Variants in PCDHGA2 observed in about 807,000 individuals in gnomAD.
PCDHGA2 encodes the protein protocadherin gamma subfamily A, 2, also known as protocadherin gamma-A2.
PCDHGA2 carries 40 observed loss-of-function variants against 59.2 expected under a neutral mutation model. The observed-to-expected ratio is 0.68, with a 90% confidence interval of 0.52 to 0.88. The LOEUF is 0.88. Among genes scored for constraint, PCDHGA2 ranks in the 40% least tolerant of loss-of-function variants. The pLI, the probability that PCDHGA2 is intolerant of heterozygous loss-of-function variation, is 0.00. For missense variants in PCDHGA2, 1,226 were observed against 1,204.0 expected, an observed-to-expected ratio of 1.02 and a Z score of -0.27; for synonymous variants, 560 against 526.0, an observed-to-expected ratio of 1.06 and a Z score of -0.89.
At chr5:141,360,987 G>T in intron 1 of PCDHGA2, 1 of 1,613,592 alleles carries the variant, frequency 6.2e-7, no homozygotes, top group South Asian at 1.1e-5. Flanking sequence ...TTCATAATGT[G>T]GACGAACAAG....
chr5:141,395,084 C>A (rs757269551), intron 1 of PCDHGA2: 1 of 1,614,190 alleles, frequency 6.2e-7, no homozygotes, highest in South Asian at 1.1e-5. Flanking sequence ...CCCAGGAAGT[C>A]TCCCTCACCG....
At position 141,511,963 on chromosome 5, in the gene PCDHGA2, AGT is replaced by A. The variant is rs1204123000; in HGVS notation, c.*796_*797del. On this transcript the variant is annotated 3_prime_UTR_variant, in exon 4 of 4. Transcript: ENST00000394576. ...ATGGGGTGGTAAGATAAGGAAGGGA[AGT>A]GTGTGGATGTGGATGGTGGGGGCAT... 1 of 153,636 alleles carries A rather than the reference AGT, an allele frequency of 6.5e-6. No individual in the cohort carries two copies. 9.5% of individuals were successfully genotyped at this position (153,636 alleles called of 1,614,324 possible).
intron 1 of PCDHGA2, chr5:141,374,211 C>T (rs748746691): frequency 6.2e-6 from 10 of 1,613,954 alleles, no homozygotes; most frequent in Non-Finnish European, 8.5e-6. Context: ...GAGAAAGGCT[C>T]CTTCGTAGGC....
rs757568006 is a variant in PCDHGA2 at position 141,389,895 on chromosome 5, C to A, written c.2424+48500C>A. 1.2e-5 allele frequency: 20 copies of A among 1,614,088 alleles called. No homozygotes were observed. In the Middle Eastern group the frequency reaches 2.0e-3, roughly 160 times the overall value. On this transcript the variant is annotated intron_variant, in intron 1 of 3. Coordinates refer to ENST00000394576, the MANE Select transcript of PCDHGA2 (RefSeq NM_018915.4). Reference sequence around the variant, plus strand: ...CGCCGACAGCTTGCAGGAGGTGCTGCCGGATATCACTGACCGCCCCGACCC... The same window carrying A: ...CGCCGACAGCTTGCAGGAGGTGCTGACGGATATCACTGACCGCCCCGACCC...
intron 1 of PCDHGA2, among the ~76,000 whole-genome samples, chr5:141,382,210 G>T (rs61675507): frequency 0.17 from 26,250 of 151,970 alleles, 2,491 homozygotes; most frequent in Admixed American, 0.27. Context: ...TATTAAAATA[G>T]GTCTATATAT....
chr5:141,375,190 T>C, intron 1 of PCDHGA2: 1 of 1,613,964 alleles, frequency 6.2e-7, no homozygotes, highest in South Asian at 1.1e-5. Context: ...TCGCCCTTTT[T>C]CAAGTGTTCG....
At chr5:141,347,044 TCTC>T (rs1757851377) in intron 1 of PCDHGA2, among the ~76,000 whole-genome samples, 1 of 150,482 alleles carries the variant, frequency 6.6e-6, no homozygotes, top group Admixed American at 6.6e-5. Flanking sequence ...CCTTCCTCTC[TCTC>T]TTTCCTCCTT....
intron 1 of PCDHGA2, among the ~76,000 whole-genome samples, chr5:141,467,955 G>A (rs1049980375): frequency 2.0e-5 from 3 of 151,666 alleles, no homozygotes; most frequent in Non-Finnish European, 2.9e-5. Context: ...CACCACACCC[G>A]GCTGCCAGAA....
chr5:141,372,755 G>A (rs942442162), intron 1 of PCDHGA2: 3 of 1,613,064 alleles, frequency 1.9e-6, no homozygotes, highest in Middle Eastern at 1.6e-4. Context: ...AAGCCTCTTG[G>A]TTTGAAAGTA....
intron 1 of PCDHGA2, among the ~76,000 whole-genome samples, chr5:141,358,420 A>G (rs1420796908): frequency 6.6e-6 from 1 of 152,090 alleles, no homozygotes; most frequent in Non-Finnish European, 1.5e-5. Flanking sequence ...TTGAAAGGGT[A>G]TTTTCCATTA....
chr5:141,384,523 C>T, intron 1 of PCDHGA2: 3 of 1,614,256 alleles, frequency 1.9e-6, no homozygotes, highest in South Asian at 1.1e-5. Context: ...GGACCCGCCT[C>T]TCAGCAGCAA....
chr5:141,394,966 G>T (rs758463890), intron 1 of PCDHGA2: 3 of 1,613,886 alleles, frequency 1.9e-6, no homozygotes, highest in Middle Eastern at 1.6e-4. Flanking sequence ...AGGCTGAGGC[G>T]CTGGCACAAG....
intron 1 of PCDHGA2, chr5:141,383,563 C>T: frequency 6.2e-7 from 1 of 1,613,152 alleles, no homozygotes; most frequent in South Asian, 1.1e-5. Context: ...CGACCCGCCC[C>T]GATCCAGCAC....
At position 141,432,225 on chromosome 5, in the gene PCDHGA2, A is replaced by T; in HGVS notation, c.2425-62582A>T. On this transcript the variant is annotated intron_variant, in intron 1 of 3. Transcript: ENST00000394576. This position sits in a 1 kb window ranked among gnomAD's most constrained non-coding sequence, Gnocchi z 6.0. ...TGTGAAGAGAACGCCCAGATCACTT[A>T]TTCCCTGGCTGAGAACACCATCCAA... The T allele has an allele frequency of 1.2e-6, 2 of 1,614,206 alleles. No individual in the cohort carries two copies. Among genetic ancestry groups the T allele is most frequent in the South Asian group, 2.2e-5 (2 of 91,080 alleles).
At chr5:141,352,214 G>A (rs1440870321) in intron 1 of PCDHGA2, 5 of 1,613,928 alleles carry the variant, frequency 3.1e-6, no homozygotes, top group East Asian at 2.2e-5. Context: ...GCCACTCTCC[G>A]CCACCGCCAC....
chr5:141,361,604 C>G, intron 1 of PCDHGA2: 1 of 1,614,040 alleles, frequency 6.2e-7, no homozygotes, highest in Non-Finnish European at 8.5e-7. Context: ...GTTTCCTACT[C>G]CATCGTAGCG....
intron 1 of PCDHGA2, chr5:141,346,294 C>T (rs1185179308): frequency 6.2e-7 from 1 of 1,614,226 alleles, no homozygotes; most frequent in Admixed American, 1.7e-5. Flanking sequence ...CAGACCTATT[C>T]CCACGAGGTC....
chr5:141,340,029 C>G lies in PCDHGA2; in HGVS notation c.1058C>G (p.Thr353Ser). ...NAPEFYMTSA[T>S]SSVSEDSLPG... ...CCAGAATTTTACATGACATCTGCTA[C>G]TAGCTCAGTTTCTGAAGACTCTCTT... Residue 353 changes from threonine (T) to serine (S), a missense_variant, in exon 1 of 4, where the codon ACT becomes AGT. Physicochemically the swap from Thr to Ser is moderately conservative, Grantham distance 58 (BLOSUM62 1). Coordinates refer to ENST00000394576, the MANE Select transcript of PCDHGA2 (RefSeq NM_018915.4). 6.2e-7 allele frequency: 1 copy of G among 1,614,156 alleles called. No homozygotes were observed. The highest frequency in any genetic ancestry group is 8.5e-7 in the Non-Finnish European group (1 of 1,180,030).
At chr5:141,356,162 C>T (rs779976582) in intron 1 of PCDHGA2, 20 of 1,613,176 alleles carry the variant, frequency 1.2e-5, no homozygotes, top group Non-Finnish European at 1.7e-5. Flanking sequence ...GATGTAGAAG[C>T]CCATGATGGG....
Sources: gnomAD v4.1 joint callset for allele counts (sites outside exome capture counted in the v4.1 genomes callset) on GRCh38, gnomAD v4.1.1 for gene constraint, Gnocchi (gnomAD v3.1) non-coding constraint, MANE v1.5 for transcripts, NCBI Gene and HGNC (gene_info 2026-07-23, HGNC 2026-07-21) for gene names.